Variants in SPECC1L observed in about 807,000 individuals in gnomAD.
SPECC1L encodes the protein sperm antigen with calponin homology and coiled-coil domains 1 like.
A neutral mutation model predicts 116.8 loss-of-function variants in SPECC1L; 40 were observed. The observed-to-expected ratio is 0.34, with a 90% CI of 0.27 to 0.45. The LOEUF (loss-of-function observed/expected upper bound fraction) is 0.45. Among genes scored for constraint, SPECC1L ranks in the 20% least tolerant of loss-of-function variants. The pLI, the probability that SPECC1L is intolerant of heterozygous loss-of-function variation, is 1.00. For missense variants in SPECC1L, 1,110 were observed against 1,373.6 expected (o/e 0.81, Z 3.03); for synonymous variants, 504 against 500.6 (o/e 1.01, Z -0.09).
chr22:24,325,388 G>T (rs2040798017), intron 6 of SPECC1L, among the ~76,000 whole-genome samples: 1 of 151,468 alleles, frequency 6.6e-6, no homozygotes, highest in Admixed American at 6.6e-5. Flanking sequence ...TTTGTTTCCA[G>T]GAAAAAAAAA....
intron 14 of SPECC1L, among the ~76,000 whole-genome samples, chr22:24,409,060 G>A (rs952652523): frequency 1.3e-5 from 2 of 152,204 alleles, no homozygotes. Flanking sequence ...CCCTGACTTG[G>A]TGTTAGGTCC....
chr22:24,308,315 G>A (rs539987383), intron 3 of SPECC1L, among the ~76,000 whole-genome samples: 1 of 152,230 alleles, frequency 6.6e-6, no homozygotes, highest in African/African-American at 2.4e-5. Flanking sequence ...ATTATGTATT[G>A]CATTTAGTTG....
intron 14 of SPECC1L, among the ~76,000 whole-genome samples, chr22:24,395,412 T>TCACA (rs1472686316): frequency 6.6e-6 from 1 of 152,116 alleles, no homozygotes; most frequent in Non-Finnish European, 1.5e-5. Context: ...AACAGCCTGG[T>TCACA]CACACTGACA....
chr22:24,365,083 C>T (rs12166506), intron 12 of SPECC1L, among the ~76,000 whole-genome samples: 1 of 152,128 alleles, frequency 6.6e-6, no homozygotes, highest in South Asian at 2.1e-4. Context: ...TCTTGGCTTA[C>T]TGCAACCTCC....
intron 14 of SPECC1L, among the ~76,000 whole-genome samples, chr22:24,374,520 G>C (rs1295344283): frequency 6.7e-6 from 1 of 149,612 alleles, no homozygotes; most frequent in Non-Finnish European, 1.5e-5. Flanking sequence ...ACTATCGCAA[G>C]GACAAAAAAA....
At chr22:24,413,468 G>A (rs2042740505) in intron 16 of SPECC1L, among the ~76,000 whole-genome samples, 1 of 152,188 alleles carries the variant, frequency 6.6e-6, no homozygotes, top group Non-Finnish European at 1.5e-5. Flanking sequence ...CCTAGATCTG[G>A]GGCCCTCCAG....
chr22:24,413,704 T>C (rs886738788), intron 16 of SPECC1L, among the ~76,000 whole-genome samples: 8 of 152,188 alleles, frequency 5.3e-5, no homozygotes, highest in African/African-American at 1.9e-4. Context: ...AAAGTTCCAA[T>C]ATATAAAAAA....
At chr22:24,388,221 A>T in intron 14 of SPECC1L, among the ~76,000 whole-genome samples, 1 of 132,558 alleles carries the variant, frequency 7.5e-6, no homozygotes, top group African/African-American at 2.8e-5. Context: ...TCCTAATGCT[A>T]TCCCTCCCCC....
intron 14 of SPECC1L, among the ~76,000 whole-genome samples, chr22:24,370,360 G>A (rs1281419855): frequency 6.6e-6 from 1 of 152,038 alleles, no homozygotes; most frequent in African/African-American, 2.4e-5. Context: ...GTAAAAAAGA[G>A]AAGAGAAAAT....
intron 10 of SPECC1L, 27 bp downstream of exon 10, chr22:24,338,504 C>CT: frequency 6.2e-7 from 1 of 1,604,274 alleles, no homozygotes; most frequent in Non-Finnish European, 8.5e-7. Context: ...ACAGGAGGCT[C>CT]TTAGAGCCTC....
chr22:24,383,726 T>A (rs972777756), intron 14 of SPECC1L, among the ~76,000 whole-genome samples: 18 of 148,536 alleles, frequency 1.2e-4, no homozygotes, highest in African/African-American at 4.0e-4. Context: ...AACCTCTGCC[T>A]CCCAGGTTCA....
intron 10 of SPECC1L, among the ~76,000 whole-genome samples, chr22:24,346,364 G>A (rs2041295840): frequency 6.6e-6 from 1 of 152,216 alleles, no homozygotes; most frequent in Non-Finnish European, 1.5e-5. Flanking sequence ...CCAGTGACAA[G>A]CCATTGCTGT....
chr22:24,343,639 T>C (rs1376462754), intron 10 of SPECC1L: 1 of 262,516 alleles, frequency 3.8e-6, no homozygotes, highest in Admixed American at 5.2e-5. Flanking sequence ...TTTTGTATTT[T>C]TAGTAGAGAT....
chr22:24,380,970 G>T (rs187376304), intron 14 of SPECC1L, among the ~76,000 whole-genome samples: 1 of 152,288 alleles, frequency 6.6e-6, no homozygotes, highest in African/African-American at 2.4e-5. Flanking sequence ...ATGAGAAGTG[G>T]TAATCCAGTT....
intron 4 of SPECC1L, among the ~76,000 whole-genome samples, chr22:24,318,485 C>T (rs576124860): frequency 8.5e-5 from 13 of 152,232 alleles, no homozygotes; most frequent in Admixed American, 5.9e-4. Context: ...AGTCCAGCTT[C>T]GGCTCGGCAT....
In SPECC1L at chr22:24,324,548, T is replaced by A. The variant is rs1180562587; in HGVS notation, c.2146+121T>A. On this transcript the variant is annotated intron_variant, in intron 6 of 16. Transcript: ENST00000314328. ...GCTCATGCCTGTAATTCCAGCACTT[T>A]GGGAGTTCAAAACCGAACCAGGCTG... The A allele has an allele frequency of 7.4e-6, 7 of 943,804 alleles. No individual in the cohort carries two copies. In the East Asian group the frequency reaches 1.6e-4, roughly 21 times the overall value. The allele number at this position is 943,804 out of a possible 1,614,324, so 58.5% of individuals were successfully genotyped here. A position where few individuals can be genotyped will look rare whatever the true frequency, so the allele number is the denominator to read the frequency against.
chr22:24,293,015 G>C (rs2049185011), intron 2 of SPECC1L, among the ~76,000 whole-genome samples: 1 of 152,180 alleles, frequency 6.6e-6, no homozygotes, highest in Non-Finnish European at 1.5e-5. Flanking sequence ...CTCCTGTAAT[G>C]CCAGCAACTT....
intron 2 of SPECC1L, among the ~76,000 whole-genome samples, chr22:24,293,137 G>T (rs2049187769): frequency 6.6e-6 from 1 of 152,146 alleles, no homozygotes; most frequent in Admixed American, 6.5e-5. Context: ...CAACATTTCT[G>T]CATGTTTGTA....
intron 4 of SPECC1L, among the ~76,000 whole-genome samples, chr22:24,316,003 T>A (rs766661767): frequency 5.3e-5 from 8 of 152,206 alleles, no homozygotes; most frequent in African/African-American, 7.2e-5. Flanking sequence ...CATTATCCTG[T>A]CTCCAGGTGC....
Sources: allele counts gnomAD v4.1 joint callset (sites outside exome capture counted in the v4.1 genomes callset), GRCh38; gene constraint gnomAD v4.1.1; transcripts MANE v1.5; gene names NCBI Gene and HGNC (gene_info 2026-07-23, HGNC 2026-07-21).